CDH8: variants seen among roughly 807,000 people sequenced by gnomAD.
The protein encoded by CDH8 is cadherin 8, also known as cadherin-8.
CDH8 carries 17 observed loss-of-function variants against 68.1 expected under a neutral mutation model. That is an observed-to-expected ratio of 0.25 (90% CI 0.17 to 0.37). The LOEUF (loss-of-function observed/expected upper bound fraction) is 0.37. Among genes scored for constraint, CDH8 ranks in the 10% least tolerant of loss-of-function variants. The probability of loss-of-function intolerance (pLI) is 1.00; values close to 1 mark genes in which losing one functional copy is unlikely to be tolerated. For synonymous variants in CDH8, 372 were observed against 365.1 expected (o/e 1.02, Z -0.21); for missense variants, 763 against 999.3 (o/e 0.76, Z 3.19).
intron 8 of CDH8, among the ~76,000 whole-genome samples, chr16:61,777,634 G>T (rs1443110209): frequency 6.6e-6 from 1 of 152,148 alleles, no homozygotes; most frequent in African/African-American, 2.4e-5. Context: ...AGGAAGAGGT[G>T]GTGGGAGAAA....
chr16:61,960,021 CAT>C (rs1313643373), intron 2 of CDH8, among the ~76,000 whole-genome samples: 450 of 35,352 alleles, frequency 0.013, 91 homozygotes, highest in African/African-American at 0.056. Context: ...TATATACACA[CAT>C]ACACACACAC....
At chr16:61,916,075 A>C (rs1597062498) in intron 2 of CDH8, among the ~76,000 whole-genome samples, 1 of 152,356 alleles carries the variant, frequency 6.6e-6, no homozygotes, top group East Asian at 1.9e-4. Flanking sequence ...GATTCAGTAC[A>C]TAACAGATGC....
intron 3 of CDH8, among the ~76,000 whole-genome samples, chr16:61,879,910 GT>G (rs5817319): frequency 0.54 from 81,850 of 151,404 alleles, 24,533 homozygotes; most frequent in African/African-American, 0.82. Context: ...GGTTTTTTGG[GT>G]TTTTTTTGTT....
chr16:61,823,861 C>T (rs1285666195), intron 5 of CDH8, among the ~76,000 whole-genome samples: 1 of 151,898 alleles, frequency 6.6e-6, no homozygotes, highest in Non-Finnish European at 1.5e-5. Flanking sequence ...CCATACATGG[C>T]TGTACACCAT....
intron 9 of CDH8, among the ~76,000 whole-genome samples, chr16:61,715,532 TA>T (rs1467074382): frequency 1.3e-5 from 2 of 151,554 alleles, no homozygotes; most frequent in East Asian, 3.9e-4. Context: ...CAATGTTCAA[TA>T]AAATTTTAGT....
chr16:61,883,884 A>G (rs1340671369), intron 3 of CDH8, among the ~76,000 whole-genome samples: 1 of 152,162 alleles, frequency 6.6e-6, no homozygotes, highest in Non-Finnish European at 1.5e-5. Context: ...GATGAGAACA[A>G]TTAGAGAAAA....
intron 8 of CDH8, among the ~76,000 whole-genome samples, chr16:61,761,901 G>A (rs1417279783): frequency 6.6e-6 from 1 of 152,148 alleles, no homozygotes; most frequent in Non-Finnish European, 1.5e-5. Flanking sequence ...TCGGGAGGCT[G>A]AGGTGGGAGG....
intron 2 of CDH8, among the ~76,000 whole-genome samples, chr16:61,992,482 C>G (rs1965743030): frequency 6.7e-6 from 1 of 149,590 alleles, no homozygotes; most frequent in South Asian, 2.2e-4. Context: ...AGGAGATATA[C>G]CTAATGCTAA....
chr16:61,789,536 T>G, intron 7 of CDH8, 54 bp from the exon 8 acceptor site: 1 of 1,504,884 alleles, frequency 6.6e-7, no homozygotes, highest in East Asian at 2.5e-5. Context: ...ATCCATACAT[T>G]CCACAGCAGA....
chr16:61,699,871 C>T (rs1269217828), intron 10 of CDH8, among the ~76,000 whole-genome samples: 4 of 152,166 alleles, frequency 2.6e-5, no homozygotes, highest in African/African-American at 4.8e-5. Flanking sequence ...CCACCGTGCC[C>T]GGCCCACCCA....
At chr16:61,875,718 A>G (rs1963446490) in intron 3 of CDH8, among the ~76,000 whole-genome samples, 1 of 152,188 alleles carries the variant, frequency 6.6e-6, no homozygotes, top group South Asian at 2.1e-4. Flanking sequence ...ACATCCACGT[A>G]TGCATTTTAA....
At chr16:62,021,060 C>T in intron 2 of CDH8, 92 bp downstream of exon 2, 1 of 1,102,492 alleles carries the variant, frequency 9.1e-7, no homozygotes, top group African/African-American at 1.6e-5. Context: ...CAATTTACAG[C>T]TAAGTGTGGT....
intron 4 of CDH8, among the ~76,000 whole-genome samples, chr16:61,826,043 A>AT (rs988936758): frequency 6.6e-6 from 1 of 151,672 alleles, no homozygotes; most frequent in Non-Finnish European, 1.5e-5. Flanking sequence ...ACCTCCACAT[A>AT]TTTTTTTCAT....
chr16:61,990,711 C>A (rs1965700330), intron 2 of CDH8, among the ~76,000 whole-genome samples: 1 of 151,990 alleles, frequency 6.6e-6, no homozygotes, highest in East Asian at 1.9e-4. Flanking sequence ...GTAGTCTCAG[C>A]TATTTGGGAA....
chr16:61,934,853 T>C (rs1396054450), intron 2 of CDH8, among the ~76,000 whole-genome samples: 1 of 152,158 alleles, frequency 6.6e-6, no homozygotes, highest in East Asian at 1.9e-4. Context: ...TTTTCAGGGA[T>C]AAAAATGTGA....
chr16:61,671,986 T>C (rs1442211156), intron 10 of CDH8, among the ~76,000 whole-genome samples: 1 of 152,156 alleles, frequency 6.6e-6, no homozygotes, highest in East Asian at 1.9e-4. Context: ...TTCCCTTTTG[T>C]TGTACACTAT....
chr16:61,655,489 T>G lies in CDH8; in HGVS notation c.1887A>C (p.Ala629=). The G allele has an allele frequency of 1.2e-6, 2 of 1,614,128 alleles. No individual in the cohort carries two copies. Among genetic ancestry groups the G allele is most frequent in the Non-Finnish European group, 1.7e-6 (2 of 1,180,010 alleles). The change falls in exon 11 of 12, where the codon GCA becomes GCC. Residue 629 remains alanine, a synonymous_variant. Coordinates refer to ENST00000577390, the MANE Select transcript of CDH8 (RefSeq NM_001796.5). ...LSMGALIAIL[A]CIILLLVIVV... is the part of the protein sequence containing the mutation. ...ACGTACCTAACAGCAAAATGATGCA[T>G]GCTAATATGGCAATTAAGGCGCCCA...
chr16:61,756,783 C>A (rs1256511704), intron 8 of CDH8, among the ~76,000 whole-genome samples: 1 of 152,126 alleles, frequency 6.6e-6, no homozygotes, highest in Non-Finnish European at 1.5e-5. Context: ...TTGACCCTGG[C>A]ATATGTCCCA....
intron 10 of CDH8, among the ~76,000 whole-genome samples, chr16:61,658,061 C>CT (rs1963484822): frequency 6.6e-6 from 1 of 151,950 alleles, no homozygotes; most frequent in Non-Finnish European, 1.5e-5. Context: ...ACATCAATTC[C>CT]TTTTTTACCT....
Sources: gnomAD v4.1 joint callset for allele counts (sites outside exome capture counted in the v4.1 genomes callset) on GRCh38, gnomAD v4.1.1 for gene constraint, MANE v1.5 for transcripts, NCBI Gene and HGNC (gene_info 2026-07-23, HGNC 2026-07-21) for gene names.